Variants in KCNQ1 observed in about 807,000 individuals in gnomAD.
KCNQ1 encodes the protein potassium voltage-gated channel subfamily Q member 1.
Under a neutral mutation model 72.4 loss-of-function variants are expected in KCNQ1, and 49 were observed. The observed-to-expected ratio is 0.68, with a 90% CI of 0.54 to 0.86. The LOEUF is 0.86. Ranked by LOEUF, KCNQ1 falls within the 40% of genes least tolerant of loss-of-function variation. KCNQ1 has a pLI of 0.00. For missense variants in KCNQ1, 790 were observed against 945.1 expected (o/e 0.84, Z 2.15); for synonymous variants, 450 against 412.6 (o/e 1.09, Z -1.10).
At chr11:2,799,719 G>A (rs1327124947) in intron 15 of KCNQ1, among the ~76,000 whole-genome samples, 2 of 152,186 alleles carry the variant, frequency 1.3e-5, no homozygotes, top group Non-Finnish European at 2.9e-5. Context: ...ACCCTCCTCT[G>A]CATTTTTCCC....
At chr11:2,777,719 C>T (rs954600724) in intron 14 of KCNQ1, 2 of 607,566 alleles carry the variant, frequency 3.3e-6, no homozygotes, top group East Asian at 5.5e-5. Flanking sequence ...TTAGGCAGCC[C>T]CCTAGGGCTC....
At position 2,817,613 on chromosome 11, in the gene KCNQ1, G is replaced by T. The variant is rs985837810; in HGVS notation, c.1795-30154G>T. On this transcript the variant is annotated intron_variant, in intron 15 of 15. Coordinates refer to ENST00000155840, the MANE Select transcript of KCNQ1 (RefSeq NM_000218.3). This position sits in a 1 kb window ranked among gnomAD's most constrained non-coding sequence, Gnocchi z 6.1. Reference sequence around the variant, plus strand: ...AGGGAGGTGGAGGACGCTGGGCAGAGCCCTGGGCATTAACTCAGGGCCATC... The same window carrying T: ...AGGGAGGTGGAGGACGCTGGGCAGATCCCTGGGCATTAACTCAGGGCCATC... 1.3e-5 allele frequency among the ~76,000 whole-genome samples: 2 copies of T among 152,144 alleles called. No homozygotes were observed. The highest frequency in any genetic ancestry group is 2.9e-5 in the Non-Finnish European group (2 of 68,026).
At chr11:2,839,438 G>A (rs140436056) in intron 15 of KCNQ1, among the ~76,000 whole-genome samples, 5 of 152,368 alleles carry the variant, frequency 3.3e-5, no homozygotes, top group African/African-American at 4.8e-5. Context: ...TGGCACAAAC[G>A]TCAGCCCCAA....
At chr11:2,667,665 A>G in intron 11 of KCNQ1, 1 of 398,570 alleles carries the variant, frequency 2.5e-6, no homozygotes, top group Non-Finnish European at 4.4e-6. Flanking sequence ...TGAACTGCAG[A>G]GCCTCTGGAG....
intron 1 of KCNQ1, among the ~76,000 whole-genome samples, chr11:2,453,600 G>GA (rs1424327891): frequency 6.6e-6 from 1 of 152,236 alleles, no homozygotes; most frequent in Admixed American, 6.5e-5. Context: ...GGGTGTCGAG[G>GA]AAAATGTCAC....
At position 2,593,646 on chromosome 11, in the gene KCNQ1, C is replaced by T. The variant is rs896503388; in HGVS notation, c.1393+4792C>T. On this transcript the variant is annotated intron_variant, in intron 10 of 15. Coordinates refer to ENST00000155840, the MANE Select transcript of KCNQ1 (RefSeq NM_000218.3). This position sits in a 1 kb window ranked among gnomAD's most constrained non-coding sequence, Gnocchi z 6.9. ...TCCCCAGTGTGGTCTGGGGACTCAT[C>T]GTTCACACTCGTGTGTGTGCTTTCT... 1.3e-5 allele frequency among the ~76,000 whole-genome samples: 2 copies of T among 152,166 alleles called. No homozygotes were observed. The highest frequency in any genetic ancestry group is 2.4e-5 in the African/African-American group (1 of 41,440).
rs1847884618 is a variant in KCNQ1, at chr11:2,544,924, C to T, written c.477+16906C>T. Among the ~76,000 whole-genome samples the T allele has an allele frequency of 6.6e-6, 1 of 152,212 alleles. No individual in the cohort carries two copies. The highest frequency in any genetic ancestry group is 1.5e-5 in the Non-Finnish European group (1 of 68,038). The stretch of plus-strand genomic sequence containing the variant: ...TGTTCACCGTCAAGGGTGATGTTGG[C>T]TCTGGGTTTCCATAGATGTCTTTAC... On this transcript the variant is annotated intron_variant, in intron 2 of 15. Coordinates refer to ENST00000155840, the MANE Select transcript of KCNQ1 (RefSeq NM_000218.3). This position sits in a 1 kb window ranked among gnomAD's most constrained non-coding sequence, Gnocchi z 4.4.
At chr11:2,823,593 C>T (rs1450826755) in intron 15 of KCNQ1, among the ~76,000 whole-genome samples, 1 of 152,152 alleles carries the variant, frequency 6.6e-6, no homozygotes, top group Non-Finnish European at 1.5e-5. Context: ...CCCAGGCAGC[C>T]CAGGCAGGAG....
rs1379326376 is a variant in KCNQ1, at chr11:2,538,397, G to A, written c.477+10379G>A. The stretch of plus-strand genomic sequence containing the variant: ...GAGGGCTCACAGGCCCCTCTGTGGG[G>A]CCCAGGGCAGAGGCAGCAGGCAGGC... On this transcript the variant is annotated intron_variant, in intron 2 of 15. Coordinates refer to ENST00000155840, the MANE Select transcript of KCNQ1 (RefSeq NM_000218.3). The surrounding 1 kb of genome is among the most constrained non-coding windows in gnomAD (Gnocchi z 6.7). 6.6e-6 allele frequency among the ~76,000 whole-genome samples: 1 copy of A among 152,188 alleles called. No homozygotes were observed. The highest frequency in any genetic ancestry group is 6.5e-5 in the Admixed American group (1 of 15,284).
intron 2 of KCNQ1, among the ~76,000 whole-genome samples, chr11:2,529,205 T>A (rs1847567242): frequency 6.6e-6 from 1 of 152,218 alleles, no homozygotes; most frequent in Non-Finnish European, 1.5e-5. Context: ...TTGGGGTTTT[T>A]CTATTCTGTC....
chr11:2,712,977 G>A lies in KCNQ1; in HGVS notation c.1514+50896G>A, dbSNP rs1205577363. 6.6e-6 allele frequency among the ~76,000 whole-genome samples: 1 copy of A among 152,144 alleles called. No homozygotes were observed. On this transcript the variant is annotated intron_variant, in intron 11 of 15. Transcript: ENST00000155840. The surrounding 1 kb of genome is among the most constrained non-coding windows in gnomAD (Gnocchi z 6.4). ...GTAAACAGGGTGGGGCAGGGGTCCTGGTAAGTATGAGGAACCAGAGACCTG... is the reference window on the plus strand; with the variant it reads ...GTAAACAGGGTGGGGCAGGGGTCCTAGTAAGTATGAGGAACCAGAGACCTG...
chr11:2,592,015 G>A lies in KCNQ1; in HGVS notation c.1393+3161G>A, dbSNP rs1047440855. 1.3e-5 allele frequency among the ~76,000 whole-genome samples: 2 copies of A among 152,234 alleles called. No homozygotes were observed. The highest frequency in any genetic ancestry group is 2.4e-5 in the African/African-American group (1 of 41,456). ...AGCCCCACTCCCGCAAGGCGGGTAC[G>A]AACAGCCACACTGAGTCCCCCGCAA... On this transcript the variant is annotated intron_variant, in intron 10 of 15. Transcript: ENST00000155840. This position sits in a 1 kb window ranked among gnomAD's most constrained non-coding sequence, Gnocchi z 5.2.
At position 2,574,325 on chromosome 11, in the gene KCNQ1, T is replaced by C. The variant is rs139495875; in HGVS notation, c.921+1339T>C. ...ACAAGCCTGCCCCCGCGTCTGCCCT[T>C]GTCTACCGACCTCCGGGCTCACTCA... is the stretch of plus-strand genomic sequence containing the variant. On this transcript the variant is annotated intron_variant, in intron 6 of 15. Coordinates refer to ENST00000155840, the MANE Select transcript of KCNQ1 (RefSeq NM_000218.3). Among the ~76,000 whole-genome samples, 1,448 of 152,188 alleles carry C rather than the reference T, an allele frequency of 9.5e-3. 21 individuals are homozygous for C. Among genetic ancestry groups the C allele is most frequent in the East Asian group, 0.034 (173 of 5,158 alleles).
rs550017396 is a variant in KCNQ1, at chr11:2,598,315, A to C, written c.1393+9461A>C. On this transcript the variant is annotated intron_variant, in intron 10 of 15. Transcript: ENST00000155840. The surrounding 1 kb of genome is among the most constrained non-coding windows in gnomAD (Gnocchi z 6.2). ...TTAGAGTTCTTTTAATGTCTTCTTA[A>C]TTTTTAAGCAGTAAATTTTTATCAC... Among the ~76,000 whole-genome samples the C allele has an allele frequency of 6.6e-6, 1 of 152,198 alleles. No homozygotes were observed. Among genetic ancestry groups the C allele is most frequent in the South Asian group, 2.1e-4 (1 of 4,822 alleles).
chr11:2,834,475 C>T (rs546717834), intron 15 of KCNQ1, among the ~76,000 whole-genome samples: 2 of 152,312 alleles, frequency 1.3e-5, no homozygotes, highest in African/African-American at 4.8e-5. Flanking sequence ...CCACTGCCAG[C>T]CTCTGCTCCT....
At chr11:2,801,992 T>G (rs1388665480) in intron 15 of KCNQ1, among the ~76,000 whole-genome samples, 1 of 152,160 alleles carries the variant, frequency 6.6e-6, no homozygotes, top group African/African-American at 2.4e-5. Flanking sequence ...GGTCTTTGCC[T>G]CCAGTAGGGT....
chr11:2,616,437 T>C (rs1325632530), intron 10 of KCNQ1: 2 of 397,892 alleles, frequency 5.0e-6, no homozygotes, highest in Non-Finnish European at 8.9e-6. Flanking sequence ...CTTTTAACTT[T>C]AGGTTTACTT....
rs745797487 is a variant in KCNQ1, at chr11:2,703,538, G to C, written c.1514+41457G>C. Among the ~76,000 whole-genome samples the C allele has an allele frequency of 2.0e-5, 3 of 152,166 alleles. No individual in the cohort carries two copies. Among genetic ancestry groups the C allele is most frequent in the Admixed American group, 1.3e-4 (2 of 15,286 alleles). ...AGCTGAAGAGAATTAGGCTCAAAAC[G>C]TCCACTCGGCTTTTCTCTTGATTCC... On this transcript the variant is annotated intron_variant, in intron 11 of 15. Transcript: ENST00000155840. The surrounding 1 kb of genome is among the most constrained non-coding windows in gnomAD (Gnocchi z 6.4).
Position 2,509,911 on chromosome 11 carries a change from C to G in KCNQ1, c.387-18017C>G, listed in dbSNP as rs1564801313. On this transcript the variant is annotated intron_variant, in intron 1 of 15. Coordinates refer to ENST00000155840, the MANE Select transcript of KCNQ1 (RefSeq NM_000218.3). This position sits in a 1 kb window ranked among gnomAD's most constrained non-coding sequence, Gnocchi z 6.3. ...GACAAGTGACAGCCGGGAACAGACCCACTGCCAGGGCTGCCTCTCTCTTTA... is the reference window on the plus strand; with the variant it reads ...GACAAGTGACAGCCGGGAACAGACCGACTGCCAGGGCTGCCTCTCTCTTTA... 1.3e-5 allele frequency among the ~76,000 whole-genome samples: 2 copies of G among 152,146 alleles called. No homozygotes were observed. Among genetic ancestry groups the G allele is most frequent in the Admixed American group, 1.3e-4 (2 of 15,286 alleles).
Sources: allele counts gnomAD v4.1 joint callset (sites outside exome capture counted in the v4.1 genomes callset), GRCh38; gene constraint gnomAD v4.1.1; non-coding constraint Gnocchi (gnomAD v3.1); transcripts MANE v1.5; gene names NCBI Gene and HGNC (gene_info 2026-07-23, HGNC 2026-07-21).